IL1RAP: variants seen among roughly 807,000 people sequenced by gnomAD.
IL1RAP encodes interleukin 1 receptor accessory protein, also known as interleukin-1 receptor accessory protein.
A neutral mutation model predicts 60.7 loss-of-function variants in IL1RAP; 35 were observed. That is an observed-to-expected ratio of 0.58 (90% CI 0.44 to 0.76). The LOEUF is 0.76. IL1RAP is among the 30% of genes least tolerant of loss of function. The pLI is 0.00. For synonymous variants in IL1RAP, 268 were observed against 250.9 expected (o/e 1.07, Z -0.64); for missense variants, 572 against 693.9 (o/e 0.82, Z 1.97).
intron 6 of IL1RAP, 24 bp downstream of exon 6, chr3:190,620,464 C>G: frequency 6.3e-7 from 1 of 1,582,206 alleles, no homozygotes; most frequent in Admixed American, 1.8e-5. Context: ...GTGTCCAGTA[C>G]ACACAACAAG....
At chr3:190,520,532 C>A (rs1045785840) in intron 1 of IL1RAP, 7 of 152,018 alleles carry the variant, frequency 4.6e-5, no homozygotes, top group African/African-American at 1.7e-4. Flanking sequence ...GCTGAAGTGC[C>A]CGTTTGCATA....
In IL1RAP at chr3:190,606,319, A is replaced by G. The variant is rs564412215; in HGVS notation, c.350+1906A>G. On this transcript the variant is annotated intron_variant, in intron 4 of 11. Coordinates refer to ENST00000447382, the MANE Select transcript of IL1RAP (RefSeq NM_002182.4). The stretch of plus-strand genomic sequence containing the variant: ...AGGCCATCACTTCCACTCTGCCACT[A>G]CTTAGCTGGTGACCTTAGGCAAGTC... Among the ~76,000 whole-genome samples, 4 of 152,318 alleles carry G rather than the reference A, an allele frequency of 2.6e-5. No individual in the cohort carries two copies. The East Asian group carries it at 7.7e-4, about 29-fold the overall frequency.
intron 4 of IL1RAP, among the ~76,000 whole-genome samples, chr3:190,607,919 T>C (rs1730484968): frequency 6.6e-6 from 1 of 152,184 alleles, no homozygotes; most frequent in African/African-American, 2.4e-5. Context: ...TTTTCTATCG[T>C]TCTATCATGT....
chr3:190,629,301 G>C (rs1369027652), intron 8 of IL1RAP, 49 bp from the exon 9 acceptor site: 1 of 1,371,910 alleles, frequency 7.3e-7, no homozygotes, highest in East Asian at 2.3e-5. Flanking sequence ...ACAGTCCATA[G>C]CTCTTGAGTC....
exon 12 of IL1RAP, chr3:190,656,689 A>G (rs1734631487): frequency 1.3e-6 from 1 of 773,406 alleles, no homozygotes; most frequent in Non-Finnish European, 2.0e-6. Context: ...TGACATTTTT[A>G]TCATCTAATG....
intron 1 of IL1RAP, among the ~76,000 whole-genome samples, chr3:190,547,029 A>G (rs1446395760): frequency 1.3e-5 from 2 of 152,162 alleles, no homozygotes; most frequent in Non-Finnish European, 2.9e-5. Context: ...AAAACCTCAC[A>G]TAAGCACTGC....
chr3:190,626,852 T>C (rs1020110327), intron 7 of IL1RAP, among the ~76,000 whole-genome samples: 4 of 151,900 alleles, frequency 2.6e-5, no homozygotes, highest in African/African-American at 9.7e-5. Context: ...GTATTTTTAG[T>C]AGAGACGGGG....
intron 3 of IL1RAP, among the ~76,000 whole-genome samples, chr3:190,577,102 A>AG: frequency 1.3e-5 from 1 of 76,674 alleles, no homozygotes; most frequent in Admixed American, 1.6e-4. Flanking sequence ...CTCCGTCTCA[A>AG]AAAAAAAAAA....
At chr3:190,620,594 A>G (rs536003484) in intron 6 of IL1RAP, among the ~76,000 whole-genome samples, 154 bp downstream of exon 6, 1 of 152,294 alleles carries the variant, frequency 6.6e-6, no homozygotes, top group East Asian at 1.9e-4. Flanking sequence ...CAACAATTCC[A>G]TGCACATCGT....
intron 3 of IL1RAP, among the ~76,000 whole-genome samples, chr3:190,565,527 A>G (rs1221097063): frequency 6.6e-6 from 1 of 152,184 alleles, no homozygotes; most frequent in Admixed American, 6.5e-5. Flanking sequence ...GAAACCAAAA[A>G]TAGTACTAAA....
intron 9 of IL1RAP, among the ~76,000 whole-genome samples, chr3:190,643,621 A>T (rs1379762444): frequency 6.6e-6 from 1 of 152,250 alleles, no homozygotes; most frequent in Non-Finnish European, 1.5e-5. Flanking sequence ...AACTGTGAAC[A>T]TGGGAAATAA....
At chr3:190,547,435 A>G (rs1386501195) in intron 1 of IL1RAP, among the ~76,000 whole-genome samples, 1 of 152,198 alleles carries the variant, frequency 6.6e-6, no homozygotes, top group Non-Finnish European at 1.5e-5. Flanking sequence ...CAACAGGGAC[A>G]CAGACTCACA....
rs552932762 is a variant in IL1RAP, at chr3:190,571,086, G to C, written c.64+6733G>C. ...CTACTGCATACGTGTAGATACTCAA[G>C]AGGAAAGAAAAAGAAAACAGGCACA... On this transcript the variant is annotated intron_variant, in intron 3 of 11. Transcript: ENST00000447382. Among the ~76,000 whole-genome samples the C allele has an allele frequency of 2.6e-5, 4 of 152,210 alleles. No individual in the cohort carries two copies. In the East Asian group the frequency reaches 7.7e-4, roughly 29 times the overall value.
At chr3:190,554,282 A>T (rs1286111478) in intron 1 of IL1RAP, among the ~76,000 whole-genome samples, 1 of 151,950 alleles carries the variant, frequency 6.6e-6, no homozygotes, top group Non-Finnish European at 1.5e-5. Context: ...AAAAAAAGGA[A>T]ACGGGCTCTC....
intron 3 of IL1RAP, among the ~76,000 whole-genome samples, chr3:190,588,917 C>G (rs1221641205): frequency 6.6e-6 from 1 of 152,096 alleles, no homozygotes; most frequent in Non-Finnish European, 1.5e-5. Context: ...CCAGTATAAA[C>G]TCTTATTTTT....
intron 3 of IL1RAP, among the ~76,000 whole-genome samples, chr3:190,571,614 C>T (rs1726932598): frequency 6.6e-6 from 1 of 152,164 alleles, no homozygotes; most frequent in Non-Finnish European, 1.5e-5. Flanking sequence ...TGTAAAATGA[C>T]ATTTCGAAGT....
chr3:190,588,257 G>A (rs1226207133), intron 3 of IL1RAP, among the ~76,000 whole-genome samples: 2 of 152,184 alleles, frequency 1.3e-5, no homozygotes, highest in Admixed American at 6.5e-5. Context: ...GGGACTACAG[G>A]CATGCGCCAC....
downstream of IL1RAP, among the ~76,000 whole-genome samples, chr3:190,654,205 C>CACACACAG (rs1186981133): frequency 3.3e-5 from 5 of 150,750 alleles, no homozygotes; most frequent in Non-Finnish European, 7.4e-5. Flanking sequence ...CACACACACA[C>CACACACAG]ACACACACAC....
At chr3:190,574,362 G>A (rs2108656847) in intron 3 of IL1RAP, among the ~76,000 whole-genome samples, 1 of 152,302 alleles carries the variant, frequency 6.6e-6, no homozygotes, top group Non-Finnish European at 1.5e-5. Flanking sequence ...ACAGGAAGAA[G>A]ATTGCAGATG....
Sources: allele counts gnomAD v4.1 joint callset (sites outside exome capture counted in the v4.1 genomes callset), GRCh38; gene constraint gnomAD v4.1.1; transcripts MANE v1.5; gene names NCBI Gene and HGNC (gene_info 2026-07-23, HGNC 2026-07-21).